The following BACH1 variants were observed in gnomAD, a reference collection of about 807,000 sequenced individuals.
The protein encoded by BACH1 is BTB domain and CNC homolog 1.
Under a neutral mutation model 52.9 loss-of-function variants are expected in BACH1, and 35 were observed. The ratio of observed to expected loss-of-function variants is 0.66; its 90% CI spans 0.51 to 0.88. BACH1 has a LOEUF of 0.88. BACH1 is among the 40% of genes least tolerant of loss of function. The probability of loss-of-function intolerance (pLI) is 0.00; values close to 1 mark genes in which losing one functional copy is unlikely to be tolerated. For missense variants in BACH1, 808 were observed against 872.6 expected, an observed-to-expected ratio of 0.93 and a Z score of 0.93; for synonymous variants, 321 against 319.6, an observed-to-expected ratio of 1.00 and a Z score of -0.05.
chr21:29,354,902 G>T (rs1290839445), intron 2 of BACH1, among the ~76,000 whole-genome samples: 1 of 152,172 alleles, frequency 6.6e-6, no homozygotes, highest in African/African-American at 2.4e-5. Flanking sequence ...GATAGCCCAG[G>T]ACAGACCCCA....
downstream of BACH1, among the ~76,000 whole-genome samples, chr21:29,349,503 G>T (rs546762697): frequency 2.6e-5 from 4 of 152,158 alleles, no homozygotes; most frequent in Non-Finnish European, 5.9e-5. Flanking sequence ...GGGCCCACCG[G>T]CGGCTGCTGC....
chr21:29,300,632 T>C (rs1349370018), intron 1 of BACH1, among the ~76,000 whole-genome samples: 2 of 152,216 alleles, frequency 1.3e-5, no homozygotes, highest in East Asian at 1.9e-4. Context: ...ATAAAAAATA[T>C]TGTAACAAAA....
Position 29,343,458 on chromosome 21 carries a change from A to G in BACH1, c.*625A>G, listed in dbSNP as rs1676881311. 6.6e-6 allele frequency: 1 copy of G among 152,286 alleles called. No homozygotes were observed. The highest frequency in any genetic ancestry group is 2.1e-4 in the South Asian group (1 of 4,834). The allele number at this position is 152,286 out of a possible 1,614,324, so 9.4% of individuals were successfully genotyped here. ...AGTAAATAGGCAAGTGGTTGGCCTA[A>G]GACGGGGGCTGCTTCTCCTCTTCAG... On this transcript the variant is annotated 3_prime_UTR_variant, in exon 5 of 5. Coordinates refer to ENST00000286800, the MANE Select transcript of BACH1 (RefSeq NM_001186.4).
chr21:29,304,502 A>G (rs2123402954), intron 1 of BACH1, among the ~76,000 whole-genome samples: 1 of 152,288 alleles, frequency 6.6e-6, no homozygotes. Flanking sequence ...CAGATCAGTC[A>G]GTGGACAGTT....
chr21:29,340,400 G>A (rs1314222697), intron 4 of BACH1, among the ~76,000 whole-genome samples: 1 of 152,286 alleles, frequency 6.6e-6, no homozygotes, highest in Non-Finnish European at 1.5e-5. Flanking sequence ...AAGCCATCTT[G>A]TATACTTAAA....
At chr21:29,333,135 A>G (rs1222051043) in intron 4 of BACH1, among the ~76,000 whole-genome samples, 1 of 152,266 alleles carries the variant, frequency 6.6e-6, no homozygotes, top group African/African-American at 2.4e-5. Flanking sequence ...AAACATAAAC[A>G]GAAAATATGC....
At chr21:29,312,886 C>A (rs184400298) in intron 1 of BACH1, among the ~76,000 whole-genome samples, 15 of 152,188 alleles carry the variant, frequency 9.9e-5, no homozygotes, top group Admixed American at 2.6e-4. Flanking sequence ...CTAGCTCTTA[C>A]AGTAGAATTT....
At chr21:29,334,348 T>A (rs2089020379) in intron 4 of BACH1, among the ~76,000 whole-genome samples, 1 of 152,188 alleles carries the variant, frequency 6.6e-6, no homozygotes, top group African/African-American at 2.4e-5. Flanking sequence ...TCCGCCCGCC[T>A]CGGCCTCCCA....
chr21:29,354,077 C>T (rs1421760924), intron 2 of BACH1, among the ~76,000 whole-genome samples: 3 of 152,234 alleles, frequency 2.0e-5, no homozygotes, highest in East Asian at 3.9e-4. Flanking sequence ...AAAAGATGAG[C>T]GGGAAGCTGG....
At chr21:29,318,324 C>T (rs2088811357) in intron 1 of BACH1, among the ~76,000 whole-genome samples, 1 of 152,052 alleles carries the variant, frequency 6.6e-6, no homozygotes, top group Non-Finnish European at 1.5e-5. Flanking sequence ...CAGCAGGACT[C>T]AGTAAGAGAT....
At chr21:29,308,368 T>A (rs1465748484) in intron 1 of BACH1, among the ~76,000 whole-genome samples, 1 of 152,214 alleles carries the variant, frequency 6.6e-6, no homozygotes, top group Admixed American at 6.5e-5. Context: ...AATAAGACAT[T>A]TCAGTTTAGT....
chr21:29,340,950 A>G (rs1190820757), intron 4 of BACH1, among the ~76,000 whole-genome samples: 2 of 151,060 alleles, frequency 1.3e-5, no homozygotes, highest in Non-Finnish European at 2.9e-5. Flanking sequence ...TAACACGCAC[A>G]TTCTTGACCT....
In BACH1 at chr21:29,321,275, T is replaced by C. The variant is rs374133191; in HGVS notation, c.-6T>C. On this transcript the variant is annotated 5_prime_UTR_variant, in exon 2 of 5. The change abolishes an upstream ATG in the 5' untranslated region. Transcript: ENST00000286800. The stretch of plus-strand genomic sequence containing the variant: ...CTGAACTTCCCGACAACATTTGTTA[T>C]GCAGAATGTCTCTGAGTGAGAACTC... 210 of 1,607,504 alleles carry C rather than the reference T, an allele frequency of 1.3e-4. 1 individual carries two copies. The African/African-American group carries it at 2.5e-3, about 19-fold the overall frequency.
intron 4 of BACH1, among the ~76,000 whole-genome samples, chr21:29,331,888 A>T (rs1049940724): frequency 2.0e-5 from 3 of 152,090 alleles, no homozygotes; most frequent in Non-Finnish European, 4.4e-5. Flanking sequence ...TTTTTAAAAA[A>T]TTTTATTTGG....
rs1378992141 is a variant in BACH1 at position 29,342,946 on chromosome 21, G to GT, written c.*116dup. ...ACAATACTGTTTTTTTCCTTTAGTA[G>GT]TTTACCATAAGGGAATTTCCTTTAA... is the stretch of plus-strand genomic sequence containing the variant. On this transcript the variant is annotated 3_prime_UTR_variant, in exon 5 of 5. Coordinates refer to ENST00000286800, the MANE Select transcript of BACH1 (RefSeq NM_001186.4). The GT allele has an allele frequency of 9.3e-7, 1 of 1,078,656 alleles. No individual in the cohort carries two copies. The highest frequency in any genetic ancestry group is 1.6e-5 in the African/African-American group (1 of 63,114). 66.8% of individuals were successfully genotyped at this position (1,078,656 alleles called of 1,614,324 possible).
chr21:29,348,638 T>A (rs1425197119), downstream of BACH1, among the ~76,000 whole-genome samples: 1 of 152,132 alleles, frequency 6.6e-6, no homozygotes, highest in Non-Finnish European at 1.5e-5. Flanking sequence ...TAATTTACAT[T>A]TCCCCTTCCA....
intron 4 of BACH1, among the ~76,000 whole-genome samples, chr21:29,332,257 C>G (rs1237161038): frequency 6.6e-6 from 1 of 152,156 alleles, no homozygotes; most frequent in Non-Finnish European, 1.5e-5. Flanking sequence ...TCTTAATTGA[C>G]CTTCTTCCTA....
intron 2 of BACH1, among the ~76,000 whole-genome samples, chr21:29,355,466 T>TC (rs1370166514): frequency 6.6e-6 from 1 of 151,924 alleles, no homozygotes; most frequent in East Asian, 1.9e-4. Flanking sequence ...CACCTCTCAA[T>TC]CCCCCCTCTA....
At chr21:29,348,434 A>G (rs970818595), downstream of BACH1, among the ~76,000 whole-genome samples, 5 of 152,100 alleles carry the variant, frequency 3.3e-5, no homozygotes, top group African/African-American at 1.2e-4. Flanking sequence ...TAGTGCTGCC[A>G]GAGACCATAG....
Sources: allele counts gnomAD v4.1 joint callset (sites outside exome capture counted in the v4.1 genomes callset), GRCh38; gene constraint gnomAD v4.1.1; transcripts MANE v1.5; gene names NCBI Gene and HGNC (gene_info 2026-07-23, HGNC 2026-07-21).